The following DGKB variants were observed in gnomAD, a reference collection of about 807,000 sequenced individuals.
DGKB encodes the protein diacylglycerol kinase beta.
In DGKB, 67 loss-of-function variants were observed where a neutral mutation model predicts 114.3. The observed-to-expected ratio is 0.59, with a 90% confidence interval of 0.48 to 0.72. DGKB has a LOEUF of 0.72. Ranked by LOEUF, DGKB falls within the 30% of genes least tolerant of loss-of-function variation. The pLI, the probability that DGKB is intolerant of heterozygous loss-of-function variation, is 0.00. For synonymous variants in DGKB, 398 were observed against 323.1 expected (o/e 1.23, Z -2.49); for missense variants, 907 against 975.2 (o/e 0.93, Z 0.93).
intron 23 of DGKB, among the ~76,000 whole-genome samples, chr7:14,318,806 T>C (rs557705347): frequency 6.6e-6 from 1 of 152,264 alleles, no homozygotes; most frequent in East Asian, 1.9e-4. Context: ...CAAAGGACTA[T>C]AAATCATGCT....
chr7:14,469,132 C>T (rs537274129), intron 21 of DGKB, among the ~76,000 whole-genome samples: 6 of 152,110 alleles, frequency 3.9e-5, no homozygotes, highest in African/African-American at 1.4e-4. Flanking sequence ...AATATCTTCC[C>T]TCTGTAAAGT....
At chr7:14,546,391 C>T (rs909117733) in intron 20 of DGKB, among the ~76,000 whole-genome samples, 1 of 152,254 alleles carries the variant, frequency 6.6e-6, no homozygotes, top group Admixed American at 6.5e-5. Flanking sequence ...ATTATCTCTC[C>T]TCTTCTTTCG....
In DGKB at chr7:14,622,780, C is replaced by T. The variant is rs1392660739; in HGVS notation, c.1168-1286G>A. Among the ~76,000 whole-genome samples the T allele has an allele frequency of 2.6e-5, 4 of 152,118 alleles. No individual in the cohort carries two copies. The South Asian group carries it at 6.2e-4, about 24-fold the overall frequency. ...TTTTTTTTACCCTACTCCAGCTGCACTGGCTTCCTCATTGTTCCTTGATCA... is the reference window on the plus strand; with the variant it reads ...TTTTTTTTACCCTACTCCAGCTGCATTGGCTTCCTCATTGTTCCTTGATCA... On this transcript the variant is annotated intron_variant, in intron 14 of 25. Coordinates refer to ENST00000402815, the MANE Select transcript of DGKB (RefSeq NM_001350709.2).
At chr7:14,904,696 T>C (rs1035278518), upstream of DGKB, among the ~76,000 whole-genome samples, 3 of 152,192 alleles carry the variant, frequency 2.0e-5, no homozygotes, top group Admixed American at 6.5e-5. Flanking sequence ...GCGAATAGCA[T>C]CCAGAATTTT....
At chr7:14,919,816 A>G (rs1437571052) in intron 1 of DGKB, among the ~76,000 whole-genome samples, 2 of 152,098 alleles carry the variant, frequency 1.3e-5, no homozygotes, top group Non-Finnish European at 2.9e-5. Flanking sequence ...ATTAGTTCAC[A>G]TGTGAGCTTG....
At chr7:14,694,316 C>G in intron 8 of DGKB, 122 bp from the exon 9 acceptor site, 1 of 849,360 alleles carries the variant, frequency 1.2e-6, no homozygotes, top group Non-Finnish European at 1.8e-6. Context: ...CTTGCTAACT[C>G]AGTACAACAT....
At chr7:14,705,214 G>A (rs376079033) in intron 6 of DGKB, among the ~76,000 whole-genome samples, 3 of 152,116 alleles carry the variant, frequency 2.0e-5, no homozygotes, top group Admixed American at 6.6e-5. Flanking sequence ...GAAAAAGGGT[G>A]TCAGCAATGG....
chr7:14,902,864 A>G (rs1157726165), upstream of DGKB: 4 of 152,118 alleles, frequency 2.6e-5, no homozygotes, highest in Non-Finnish European at 5.9e-5. Flanking sequence ...TCCAGGCAGC[A>G]ACACAGGCTG....
chr7:14,151,704 A>C lies in DGKB; in HGVS notation c.2305-2466T>G, dbSNP rs375680478. ...ACAACTGTTTCTTTACTCTAACTTT[A>C]TTTCTGCAAAAAATGAAATCCACAT... On this transcript the variant is annotated intron_variant, in intron 25 of 25. Transcript: ENST00000402815. Among the ~76,000 whole-genome samples the C allele has an allele frequency of 2.6e-5, 4 of 152,100 alleles. No individual in the cohort carries two copies. In the East Asian group the frequency reaches 5.8e-4, roughly 22 times the overall value.
intron 1 of DGKB, among the ~76,000 whole-genome samples, 183 bp downstream of exon 1, chr7:14,902,409 C>T (rs1783241184): frequency 6.6e-6 from 1 of 152,190 alleles, no homozygotes; most frequent in Non-Finnish European, 1.5e-5. Context: ...CTGCAAATCA[C>T]AGAGCACCCC....
intron 1 of DGKB, 68 bp from the exon 2 acceptor site, chr7:14,841,518 G>A (rs796818106): frequency 2.8e-6 from 1 of 351,388 alleles, no homozygotes; most frequent in Non-Finnish European, 5.1e-6. Context: ...AAAATGTCAA[G>A]GTGTTGAATG....
intron 13 of DGKB, among the ~76,000 whole-genome samples, chr7:14,644,547 A>G (rs1812523148): frequency 1.3e-5 from 2 of 152,308 alleles, no homozygotes; most frequent in South Asian, 4.1e-4. Flanking sequence ...GAACTGAAGA[A>G]TTCAATGAAA....
intron 4 of DGKB, among the ~76,000 whole-genome samples, chr7:14,752,136 T>C (rs1054988773): frequency 6.6e-6 from 1 of 152,194 alleles, no homozygotes; most frequent in East Asian, 1.9e-4. Flanking sequence ...ATATTTTCTC[T>C]GTTATACTTT....
chr7:14,279,717 C>T (rs1177568475), intron 23 of DGKB, among the ~76,000 whole-genome samples: 2 of 152,048 alleles, frequency 1.3e-5, no homozygotes, highest in African/African-American at 2.4e-5. Flanking sequence ...CCCCGAGCAG[C>T]CTAACTGGGA....
chr7:14,306,239 A>T (rs2128496818), intron 23 of DGKB, among the ~76,000 whole-genome samples: 1 of 152,270 alleles, frequency 6.6e-6, no homozygotes, highest in East Asian at 1.9e-4. Context: ...TCAATAAAGC[A>T]ACATTTTAGA....
intron 13 of DGKB, among the ~76,000 whole-genome samples, chr7:14,631,638 C>A (rs3920402): frequency 0.56 from 84,982 of 151,758 alleles, 25,289 homozygotes; most frequent in Admixed American, 0.69. Flanking sequence ...CTGAAAACTT[C>A]CTGATTTCAG....
intron 13 of DGKB, among the ~76,000 whole-genome samples, chr7:14,656,840 C>A (rs1815928723): frequency 6.6e-6 from 1 of 151,116 alleles, no homozygotes; most frequent in Admixed American, 6.6e-5. Context: ...TACAACTCTA[C>A]CTTATGCATT....
chr7:14,394,108 G>A (rs940658516), intron 21 of DGKB, among the ~76,000 whole-genome samples: 1 of 152,088 alleles, frequency 6.6e-6, no homozygotes, highest in East Asian at 1.9e-4. Flanking sequence ...GATCAATTAG[G>A]TCATTTAGCT....
At chr7:14,320,284 T>A (rs553437469) in intron 23 of DGKB, among the ~76,000 whole-genome samples, 2 of 152,248 alleles carry the variant, frequency 1.3e-5, no homozygotes, top group East Asian at 3.9e-4. Context: ...AGCTTATGAC[T>A]TGGTTGGTCT....
Sources: allele counts gnomAD v4.1 joint callset (sites outside exome capture counted in the v4.1 genomes callset), GRCh38; gene constraint gnomAD v4.1.1; transcripts MANE v1.5; gene names NCBI Gene and HGNC (gene_info 2026-07-23, HGNC 2026-07-21).